P4HA3: variants seen among roughly 807,000 people sequenced by gnomAD.
P4HA3 encodes prolyl 4-hydroxylase subunit alpha-3.
In P4HA3, 60 loss-of-function variants were observed where a neutral mutation model predicts 66.7. That is an observed-to-expected ratio of 0.90 (90% CI 0.73 to 1.12). The LOEUF (loss-of-function observed/expected upper bound fraction) is 1.12. Among genes scored for constraint, P4HA3 ranks in the 50% most tolerant of loss-of-function variants. The pLI, the probability that P4HA3 is intolerant of heterozygous loss-of-function variation, is 0.00. For synonymous variants in P4HA3, 263 were observed against 274.6 expected (o/e 0.96, Z 0.42); for missense variants, 683 against 685.8 (o/e 1.00, Z 0.05).
At chr11:74,269,475 G>A (rs1037747754) in intron 11 of P4HA3, among the ~76,000 whole-genome samples, 177 bp downstream of exon 11, 4 of 152,168 alleles carry the variant, frequency 2.6e-5, no homozygotes, top group African/African-American at 9.7e-5. Context: ...CACAAGTGAC[G>A]AGCATGTGTG....
chr11:74,277,213 G>T, intron 8 of P4HA3, 69 bp from the exon 9 acceptor site: 2 of 1,512,464 alleles, frequency 1.3e-6, no homozygotes, highest in Non-Finnish European at 1.8e-6. Flanking sequence ...GTCTCTGAAT[G>T]AATGAATAAA....
At chr11:74,257,413 C>A (rs2135693392) in intron 15 of P4HA3, among the ~76,000 whole-genome samples, 1 of 152,258 alleles carries the variant, frequency 6.6e-6, no homozygotes, top group South Asian at 2.1e-4. Context: ...GAGTGAGCCA[C>A]CACACCCAGC....
chr11:74,292,209 C>G (rs117410862), intron 4 of P4HA3, among the ~76,000 whole-genome samples: 5,857 of 152,276 alleles, frequency 0.038, 121 homozygotes, highest in Middle Eastern at 0.11. Context: ...TCCATTTCCT[C>G]TAGATTTGAT....
At chr11:74,258,939 C>T (rs1308894209) in intron 15 of P4HA3, among the ~76,000 whole-genome samples, 2 of 152,170 alleles carry the variant, frequency 1.3e-5, no homozygotes, top group Non-Finnish European at 2.9e-5. Context: ...TAAGGGGATT[C>T]ATTCATCCTG....
At chr11:74,264,113 T>C (rs1342256618), downstream of P4HA3, among the ~76,000 whole-genome samples, 1 of 152,072 alleles carries the variant, frequency 6.6e-6, no homozygotes, top group East Asian at 1.9e-4. Flanking sequence ...AGTGCAAATA[T>C]AAGAATTAGG....
intron 15 of P4HA3, among the ~76,000 whole-genome samples, chr11:74,252,737 C>T (rs1392878795): frequency 6.6e-6 from 1 of 152,134 alleles, no homozygotes; most frequent in Non-Finnish European, 1.5e-5. Flanking sequence ...TTACCAAATG[C>T]CTCAAGGGAG....
chr11:74,301,988 G>A (rs985922816), intron 3 of P4HA3, among the ~76,000 whole-genome samples: 2 of 152,120 alleles, frequency 1.3e-5, no homozygotes, highest in African/African-American at 2.4e-5. Context: ...AGGAGTTCAT[G>A]CACTGGCAGG....
chr11:74,253,739 C>T, intron 15 of P4HA3: 1 of 605,370 alleles, frequency 1.7e-6, no homozygotes, highest in Non-Finnish European at 2.9e-6. Flanking sequence ...TCCCCTGCTC[C>T]TTTCCCTTCC....
In P4HA3 at chr11:74,277,048, C is replaced by T. The variant is rs757263975; in HGVS notation, c.1272G>A (p.Glu424=). 3 of 1,614,042 alleles carry T rather than the reference C, an allele frequency of 1.9e-6. No individual in the cohort carries two copies. The highest frequency in any genetic ancestry group is 2.5e-6 in the Non-Finnish European group (3 of 1,179,956). ...TGLDVRPPYA[E]YLQVVNYGIG... is the part of the protein sequence containing the mutation. ...TGCCATAGTTCACCACCTGCAGATACTCTGCATAGGGAGGCCGGACATCAA... is the reference window on the plus strand; with the variant it reads ...TGCCATAGTTCACCACCTGCAGATATTCTGCATAGGGAGGCCGGACATCAA... Residue 424 remains glutamate (E), a synonymous_variant, in exon 9 of 13, where the codon GAG becomes GAA. Coordinates refer to ENST00000331597, the MANE Select transcript of P4HA3 (RefSeq NM_182904.5).
At chr11:74,267,420 T>C (rs1447021039) in intron 12 of P4HA3, 102 bp from the exon 13 acceptor site, 1 of 1,398,310 alleles carries the variant, frequency 7.2e-7, no homozygotes, top group African/African-American at 1.4e-5. Flanking sequence ...AGTGCCCCCT[T>C]AAATTCTGCA....
intron 1 of P4HA3, 92 bp from the exon 2 acceptor site, chr11:74,304,504 A>T: frequency 7.1e-7 from 1 of 1,416,748 alleles, no homozygotes; most frequent in Non-Finnish European, 9.8e-7. Flanking sequence ...AGAGTAGCTA[A>T]CACTGACATG....
Position 74,311,435 on chromosome 11 carries a change from C to A in P4HA3, c.177G>T (p.Glu59Asp). 6.5e-7 allele frequency: 1 copy of A among 1,535,916 alleles called. No homozygotes were observed. ...GLLRRYLRGEEARLRDLTRFY... is the reference protein window; with the variant it reads ...GLLRRYLRGEDARLRDLTRFY... ...ACCTAGTCAGGTCCCGCAGCCGCGCCTCCTCCCCGCGCAGGTACCGCCTCA... is the reference window on the plus strand; with the variant it reads ...ACCTAGTCAGGTCCCGCAGCCGCGCATCCTCCCCGCGCAGGTACCGCCTCA... Residue 59 changes from glutamate (E) to aspartate (D), a missense_variant, in exon 1 of 13, where the codon GAG becomes GAT. Physicochemically the swap from Glu to Asp is conservative, Grantham distance 45. Coordinates refer to ENST00000331597, the MANE Select transcript of P4HA3 (RefSeq NM_182904.5).
chr11:74,295,859 T>C (rs1227284662), intron 4 of P4HA3, among the ~76,000 whole-genome samples: 1 of 152,242 alleles, frequency 6.6e-6, no homozygotes, highest in African/African-American at 2.4e-5. Flanking sequence ...TCTATGAATA[T>C]CTTGTAATGT....
intron 8 of P4HA3, among the ~76,000 whole-genome samples, chr11:74,277,351 C>G (rs781331616): frequency 6.6e-6 from 1 of 152,202 alleles, no homozygotes; most frequent in African/African-American, 2.4e-5. Context: ...CCACTTTGTT[C>G]TCTACCTCAA....
At chr11:74,273,859 A>G (rs1860295139) in intron 9 of P4HA3, among the ~76,000 whole-genome samples, 1 of 152,172 alleles carries the variant, frequency 6.6e-6, no homozygotes, top group Non-Finnish European at 1.5e-5. Context: ...GTCAGTAGTG[A>G]AAGTACTATA....
chr11:74,263,136 A>C (rs1591082184), downstream of P4HA3, among the ~76,000 whole-genome samples: 6 of 152,332 alleles, frequency 3.9e-5, no homozygotes, highest in South Asian at 1.2e-3. Context: ...ACTTGATTCT[A>C]TCCAATTCTC....
At chr11:74,286,871 T>C (rs1008980609) in intron 5 of P4HA3, among the ~76,000 whole-genome samples, 9 of 152,164 alleles carry the variant, frequency 5.9e-5, no homozygotes, top group African/African-American at 2.2e-4. Context: ...CAACAAAATA[T>C]GATAAGTGCA....
intron 4 of P4HA3, 70 bp from the exon 5 acceptor site, chr11:74,289,200 A>G (rs1277711059): frequency 1.2e-5 from 14 of 1,125,934 alleles, no homozygotes; most frequent in African/African-American, 3.1e-5. Flanking sequence ...ACAAACCATT[A>G]AATTAAAAAA....
At chr11:74,309,293 G>C (rs561837344) in intron 1 of P4HA3, among the ~76,000 whole-genome samples, 18 of 152,306 alleles carry the variant, frequency 1.2e-4, no homozygotes, top group African/African-American at 3.4e-4. Flanking sequence ...GTGTGTGAGA[G>C]AGAATCAGAT....
Sources: allele counts gnomAD v4.1 joint callset (sites outside exome capture counted in the v4.1 genomes callset), GRCh38; gene constraint gnomAD v4.1.1; transcripts MANE v1.5; gene names NCBI Gene and HGNC (gene_info 2026-07-23, HGNC 2026-07-21).